Variants in CEP112 observed in about 807,000 individuals in gnomAD.
CEP112 encodes the protein centrosomal protein 112.
A neutral mutation model predicts 153.0 loss-of-function variants in CEP112; 127 were observed. That is an observed-to-expected ratio of 0.83 (90% CI 0.72 to 0.96). The LOEUF (loss-of-function observed/expected upper bound fraction) is 0.96. CEP112 is among the 40% of genes least tolerant of loss of function. CEP112 has a pLI of 0.00. For synonymous variants in CEP112, 358 were observed against 374.4 expected (o/e 0.96, Z 0.51); for missense variants, 1,089 against 1,101.2 (o/e 0.99, Z 0.16).
At chr17:66,165,398 T>C (rs1215843145) in intron 4 of CEP112, among the ~76,000 whole-genome samples, 1 of 152,204 alleles carries the variant, frequency 6.6e-6, no homozygotes, top group Non-Finnish European at 1.5e-5. Context: ...GAAAGTTCTA[T>C]TGAACAGTAC....
chr17:65,729,062 TC>T (rs2050345142), intron 23 of CEP112, among the ~76,000 whole-genome samples: 1 of 152,236 alleles, frequency 6.6e-6, no homozygotes, highest in African/African-American at 2.4e-5. Flanking sequence ...CAATATTTTT[TC>T]CTTTCTTAAA....
Position 66,069,974 on chromosome 17 carries a change from C to G in CEP112, c.796G>C (p.Ala266Pro). 6.2e-7 allele frequency: 1 copy of G among 1,606,228 alleles called. No homozygotes were observed. The highest frequency in any genetic ancestry group is 8.5e-7 in the Non-Finnish European group (1 of 1,175,476). Residue 266 changes from alanine to proline, a missense_variant, in exon 9 of 27, where the codon GCT becomes CCT. By Grantham distance (27) the Ala-to-Pro change is conservative (BLOSUM62 -1). Transcript: ENST00000535342. ...TTAAGCTTTTCTTCATGAAATTTAG[C>G]TTCCATCATTTTTGTTTTCATGTCC... ...ELDMKTKMME[A>P]KFHEEKLKLQ...
chr17:66,181,859 A>C (rs2146909950), intron 2 of CEP112: 1 of 152,378 alleles, frequency 6.6e-6, no homozygotes, highest in South Asian at 2.1e-4. Context: ...AGGACATGAA[A>C]TAGTCATTTG....
At chr17:65,740,171 T>C (rs2051049179) in intron 23 of CEP112, among the ~76,000 whole-genome samples, 1 of 152,216 alleles carries the variant, frequency 6.6e-6, no homozygotes, top group Non-Finnish European at 1.5e-5. Flanking sequence ...AATATCCTTA[T>C]ATATGCTCTC....
intron 17 of CEP112, among the ~76,000 whole-genome samples, chr17:65,975,594 G>A (rs1330868807): frequency 6.6e-6 from 1 of 152,054 alleles, no homozygotes; most frequent in African/African-American, 2.4e-5. Flanking sequence ...TGTCAAATAA[G>A]AAATCATACT....
chr17:65,930,811 G>A (rs550643866), intron 18 of CEP112, among the ~76,000 whole-genome samples: 49 of 151,968 alleles, frequency 3.2e-4, no homozygotes, highest in Non-Finnish European at 5.7e-4. Flanking sequence ...GGCTGTTCTT[G>A]ACTCTAGGGC....
At chr17:65,892,883 T>C (rs1438015580) in intron 20 of CEP112, among the ~76,000 whole-genome samples, 2 of 152,172 alleles carry the variant, frequency 1.3e-5, no homozygotes, top group East Asian at 3.8e-4. Context: ...GGTGAACACA[T>C]GCATTTTGTA....
chr17:65,780,534 A>AT (rs1568002995), intron 21 of CEP112, among the ~76,000 whole-genome samples: 1 of 151,954 alleles, frequency 6.6e-6, no homozygotes, highest in South Asian at 2.1e-4. Flanking sequence ...GGGTCAATTA[A>AT]TTTTTTTTAA....
intron 18 of CEP112, among the ~76,000 whole-genome samples, chr17:65,951,088 G>A (rs1247669955): frequency 1.3e-5 from 2 of 151,928 alleles, no homozygotes; most frequent in African/African-American, 2.4e-5. Flanking sequence ...GACAAATCCC[G>A]CTTGGTCGTG....
intron 17 of CEP112, among the ~76,000 whole-genome samples, chr17:65,972,395 T>C (rs552537741): frequency 1.3e-5 from 2 of 152,344 alleles, no homozygotes; most frequent in South Asian, 4.1e-4. Context: ...GCTAACAATG[T>C]ACTTGAAGGA....
At chr17:65,925,533 G>T (rs2060892958) in intron 19 of CEP112, among the ~76,000 whole-genome samples, 1 of 152,152 alleles carries the variant, frequency 6.6e-6, no homozygotes. Context: ...TACTGGTCCA[G>T]CATCATAACG....
At chr17:66,033,512 C>T (rs1001266380) in intron 12 of CEP112, among the ~76,000 whole-genome samples, 15 of 152,154 alleles carry the variant, frequency 9.9e-5, no homozygotes, top group African/African-American at 3.6e-4. Flanking sequence ...CCATACAGGC[C>T]TCCATGCTGT....
chr17:65,945,427 C>T (rs188741788), intron 18 of CEP112, among the ~76,000 whole-genome samples: 5 of 152,136 alleles, frequency 3.3e-5, no homozygotes, highest in Admixed American at 6.5e-5. Context: ...GAATAAGGCA[C>T]GCATATATTT....
At chr17:66,148,664 G>A (rs1658003985) in intron 4 of CEP112, among the ~76,000 whole-genome samples, 1 of 151,992 alleles carries the variant, frequency 6.6e-6, no homozygotes, top group African/African-American at 2.4e-5. Context: ...ATTGTTCATT[G>A]TTAGCATATA....
At chr17:65,710,013 G>A (rs232155) in intron 23 of CEP112, among the ~76,000 whole-genome samples, 68,285 of 152,002 alleles carry the variant, frequency 0.45, 15,678 homozygotes, top group Middle Eastern at 0.54. Flanking sequence ...AGCCAGCAGC[G>A]TTGTAGGATC....
At chr17:66,163,314 A>G (rs1343998879) in intron 4 of CEP112, among the ~76,000 whole-genome samples, 4 of 152,192 alleles carry the variant, frequency 2.6e-5, no homozygotes, top group African/African-American at 9.6e-5. Context: ...AAATTATCAG[A>G]AAACCAAAAT....
At chr17:65,987,155 AAAG>A (rs1437917840) in intron 17 of CEP112, among the ~76,000 whole-genome samples, 2 of 152,330 alleles carry the variant, frequency 1.3e-5, no homozygotes, top group African/African-American at 4.8e-5. Context: ...GAGGAATCGT[AAAG>A]AAGACCGTCT....
intron 18 of CEP112, among the ~76,000 whole-genome samples, chr17:65,954,019 C>G (rs575259188): frequency 6.6e-6 from 1 of 152,314 alleles, no homozygotes; most frequent in South Asian, 2.1e-4. Context: ...TCTTGAAGTG[C>G]CACCTCCCGG....
intron 1 of CEP112, among the ~76,000 whole-genome samples, chr17:66,190,685 T>G (rs1290657527): frequency 6.6e-6 from 1 of 152,232 alleles, no homozygotes; most frequent in Non-Finnish European, 1.5e-5. Flanking sequence ...CAATCTATAT[T>G]TGGATCATGT....
Sources: gnomAD v4.1 joint callset for allele counts (sites outside exome capture counted in the v4.1 genomes callset) on GRCh38, gnomAD v4.1.1 for gene constraint, MANE v1.5 for transcripts, NCBI Gene and HGNC (gene_info 2026-07-23, HGNC 2026-07-21) for gene names.